SP6: variants seen among roughly 807,000 people sequenced by gnomAD.
SP6 encodes transcription factor Sp6.
SP6 carries 10 observed loss-of-function variants against 23.4 expected under a neutral mutation model. The ratio of observed to expected loss-of-function variants is 0.43; its 90% CI spans 0.26 to 0.72. The LOEUF is 0.72. Among genes scored for constraint, SP6 ranks in the 30% least tolerant of loss-of-function variants. The pLI is 0.23. For missense variants in SP6, 482 were observed against 523.8 expected, an observed-to-expected ratio of 0.92 and a Z score of 0.78; for synonymous variants, 238 against 238.7, an observed-to-expected ratio of 1.00 and a Z score of 0.03.
chr17:47,853,416 G>GC (rs777749604), upstream of SP6, among the ~76,000 whole-genome samples: 4 of 152,178 alleles, frequency 2.6e-5, no homozygotes, highest in Non-Finnish European at 5.9e-5. Flanking sequence ...CCAAAACAGA[G>GC]CCCCCAGTGG....
the SP6 span, among the ~76,000 whole-genome samples, chr17:47,874,306 G>A: frequency 3.9e-5 from 6 of 152,060 alleles, no homozygotes; most frequent in East Asian, 1.9e-4. Context: ...GCCCAGGCTG[G>A]TCTCGAATTC....
In SP6 at chr17:47,847,119, A is replaced by C; in HGVS notation, c.*180T>G. The C allele has an allele frequency of 1.6e-6, 1 of 641,548 alleles. No homozygotes were observed. Among genetic ancestry groups the C allele is most frequent in the South Asian group, 2.0e-5 (1 of 49,190 alleles). The allele number at this position is 641,548 out of a possible 1,614,324, so 39.7% of individuals were successfully genotyped here. On this transcript the variant is annotated 3_prime_UTR_variant, in exon 2 of 2. Coordinates refer to ENST00000536300, the MANE Select transcript of SP6 (RefSeq NM_001258248.2). ...CGACCCAGTCAAATTCATCCTGCCT[A>C]GTAGCCCCAGAGACTAAGAACCCCT...
chr17:47,849,977 T>G (rs887644800), intron 1 of SP6, among the ~76,000 whole-genome samples: 2 of 152,074 alleles, frequency 1.3e-5, no homozygotes, highest in South Asian at 2.1e-4. Context: ...GTGGCACTGA[T>G]AGCCTGGGAG....
chr17:47,875,186 T>TTGCCATC, the SP6 span, among the ~76,000 whole-genome samples: 1 of 152,192 alleles, frequency 6.6e-6, no homozygotes, highest in South Asian at 2.1e-4. Context: ...GGGCAAGTAT[T>TTGCCATC]TGCCATCTGC....
chr17:47,852,568 A>G (rs1382924166), upstream of SP6, among the ~76,000 whole-genome samples: 1 of 151,758 alleles, frequency 6.6e-6, no homozygotes, highest in African/African-American at 2.4e-5. Flanking sequence ...GGCTGATTTA[A>G]TCTCGCCTCT....
chr17:47,862,007 T>C, the SP6 span, among the ~76,000 whole-genome samples: 1 of 147,648 alleles, frequency 6.8e-6, no homozygotes, highest in South Asian at 2.1e-4. Context: ...ATCACACCAC[T>C]GCATTCCAGC....
rs760152331 is a variant in SP6, at chr17:47,847,973, C to A, written c.457G>T (p.Gly153Trp). 1 of 1,582,952 alleles carries A rather than the reference C, an allele frequency of 6.3e-7. No individual in the cohort carries two copies. The highest frequency in any genetic ancestry group is 1.3e-5 in the African/African-American group (1 of 74,416). Residue 153 changes from glycine to tryptophan, a missense_variant, in exon 2 of 2, where the codon GGG (glycine) becomes TGG (tryptophan). Gly to Trp is a radical substitution (Grantham distance 184). Coordinates refer to ENST00000536300, the MANE Select transcript of SP6 (RefSeq NM_001258248.2). The stretch of plus-strand genomic sequence containing the variant: ...AGCTGGTGGTCTCCGACGTAGCCCC[C>A]CAAGCCCGCCTGAAGCGCCCCCGGG... ...GHPGALQAGL[G>W]GYVGDHQLCA... is the part of the protein sequence containing the mutation.
the SP6 span, among the ~76,000 whole-genome samples, chr17:47,869,154 C>T: frequency 6.6e-6 from 1 of 152,226 alleles, no homozygotes; most frequent in Non-Finnish European, 1.5e-5. Flanking sequence ...TCCCAATAAA[C>T]TAATGCCCCA....
the SP6 span, among the ~76,000 whole-genome samples, chr17:47,872,704 G>A: frequency 6.6e-6 from 1 of 152,184 alleles, no homozygotes; most frequent in Non-Finnish European, 1.5e-5. Flanking sequence ...GCGGAGGGTG[G>A]GGTGCAGAGA....
the SP6 span, among the ~76,000 whole-genome samples, chr17:47,866,267 G>A: frequency 6.6e-6 from 1 of 152,172 alleles, no homozygotes; most frequent in Non-Finnish European, 1.5e-5. Context: ...GATGAGGAGA[G>A]GGAGGGCAGG....
At chr17:47,866,401 G>A in the SP6 span, among the ~76,000 whole-genome samples, 1 of 152,222 alleles carries the variant, frequency 6.6e-6, no homozygotes. Flanking sequence ...CTGGAGACAA[G>A]GAGGAAGATG....
At chr17:47,864,633 G>T in the SP6 span, 3 of 152,254 alleles carry the variant, frequency 2.0e-5, no homozygotes, top group Non-Finnish European at 4.4e-5. Flanking sequence ...TGCCCACAGG[G>T]ACTTCCAGCT....
chr17:47,852,894 C>T (rs973411476), upstream of SP6, among the ~76,000 whole-genome samples: 1 of 152,108 alleles, frequency 6.6e-6, no homozygotes, highest in African/African-American at 2.4e-5. Flanking sequence ...CCAAGGGGCC[C>T]CTGGTAAGCG....
At chr17:47,858,767 C>CTTTTTTTTTTTTTTTTT (rs36092685), upstream of SP6, among the ~76,000 whole-genome samples, 9 of 92,648 alleles carry the variant, frequency 9.7e-5, 4 homozygotes, top group African/African-American at 1.8e-4. Flanking sequence ...GATGAAGCAT[C>CTTTTTTTTTTTTTTTTT]TTTTTTTTTT....
At chr17:47,862,036 C>A in the SP6 span, among the ~76,000 whole-genome samples, 2 of 143,698 alleles carry the variant, frequency 1.4e-5, no homozygotes, top group Non-Finnish European at 3.1e-5. Context: ...CAGAATGAGA[C>A]CCTGTCTCAG....
rs1316316551 is a variant in SP6 at position 47,845,986 on chromosome 17, C to G, written c.*1313G>C. On this transcript the variant is annotated 3_prime_UTR_variant, in exon 2 of 2. Transcript: ENST00000536300. Reference sequence around the variant, plus strand: ...TCTCCCCTCCCTCCTTTCCTCTCTCCCCCACCCCATGATCAGAATCAAAAT... The same window carrying G: ...TCTCCCCTCCCTCCTTTCCTCTCTCGCCCACCCCATGATCAGAATCAAAAT... The G allele has an allele frequency of 6.6e-6, 1 of 152,172 alleles. No individual in the cohort carries two copies. Among genetic ancestry groups the G allele is most frequent in the Admixed American group, 6.5e-5 (1 of 15,272 alleles). The allele number at this position is 152,172 out of a possible 1,614,324, so 9.4% of individuals were successfully genotyped here.
Position 47,847,215 on chromosome 17 carries a change from T to G in SP6, c.*84A>C. ...ATAAATACGCACCTTCCCCTCTTCC[T>G]CAAGCCACCCCCAAGGACGTCAGAC... On this transcript the variant is annotated 3_prime_UTR_variant, in exon 2 of 2. Coordinates refer to ENST00000536300, the MANE Select transcript of SP6 (RefSeq NM_001258248.2). 3 of 1,377,352 alleles carry G rather than the reference T, an allele frequency of 2.2e-6. No homozygotes were observed. Among genetic ancestry groups the G allele is most frequent in the Non-Finnish European group, 2.9e-6 (3 of 1,042,854 alleles). The allele number at this position is 1,377,352 out of a possible 1,614,324, so 85.3% of individuals were successfully genotyped here.
upstream of SP6, among the ~76,000 whole-genome samples, chr17:47,851,985 C>T (rs1302204842): frequency 6.6e-6 from 1 of 151,948 alleles, no homozygotes; most frequent in Non-Finnish European, 1.5e-5. Context: ...AAATTCGCCT[C>T]TCCTCGCCCT....
upstream of SP6, among the ~76,000 whole-genome samples, chr17:47,852,405 T>G (rs2033967315): frequency 6.6e-6 from 1 of 152,154 alleles, no homozygotes; most frequent in African/African-American, 2.4e-5. Flanking sequence ...TGCCGCAGTG[T>G]TGATCTCTCC....
Sources: allele counts gnomAD v4.1 joint callset (sites outside exome capture counted in the v4.1 genomes callset), GRCh38; gene constraint gnomAD v4.1.1; transcripts MANE v1.5; gene names NCBI Gene and HGNC (gene_info 2026-07-23, HGNC 2026-07-21).